GLI2: variants seen among roughly 807,000 people sequenced by gnomAD.
GLI2 encodes transcription activator GLI2.
GLI2 carries 22 observed loss-of-function variants against 78.9 expected under a neutral mutation model. That is an observed-to-expected ratio of 0.28 (90% confidence interval 0.20 to 0.40). The LOEUF (loss-of-function observed/expected upper bound fraction) is 0.40, where lower values mean the gene tolerates loss of function less well. Among genes scored for constraint, GLI2 ranks in the 10% least tolerant of loss-of-function variants. GLI2 has a pLI of 1.00. For synonymous variants in GLI2, 974 were observed against 963.7 expected (o/e 1.01, Z -0.20); for missense variants, 2,097 against 2,213.2 (o/e 0.95, Z 1.05).
At position 120,990,019 on chromosome 2, in the gene GLI2, G is replaced by A. The variant is rs1304690842; in HGVS notation, c.4054G>A (p.Val1352Met). The change falls in exon 14 of 14, where the codon GTG becomes ATG. Residue 1352 changes from valine (V) to methionine (M), a missense_variant. By Grantham distance (21) the Val-to-Met change is conservative (BLOSUM62 1). Coordinates refer to ENST00000361492, the MANE Select transcript of GLI2 (RefSeq NM_001374353.1). The part of the protein sequence containing the change: ...MGVATAGFGL[V>M]QPRPPLEPSP... ...GGTGGCTACAGCAGGCTTTGGCCTA[G>A]TGCAGCCCCGGCCTCCCCTCGAGCC... 1 of 1,607,598 alleles carries A rather than the reference G, an allele frequency of 6.2e-7. No homozygotes were observed. The highest frequency in any genetic ancestry group is 1.7e-5 in the Admixed American group (1 of 59,578).
chr2:120,958,164 G>T (rs542028185), intron 5 of GLI2, among the ~76,000 whole-genome samples: 1 of 152,314 alleles, frequency 6.6e-6, no homozygotes, highest in East Asian at 1.9e-4. Context: ...GACTGAAGGG[G>T]TGTGGAGTGG....
At chr2:120,772,578 G>A (rs142498165) in intron 1 of GLI2, among the ~76,000 whole-genome samples, 2,133 of 152,330 alleles carry the variant, frequency 0.014, 19 homozygotes, top group Admixed American at 0.024. Context: ...TGAGCCCTTC[G>A]GGCCTGGCCA....
chr2:120,990,549 C>T lies in GLI2; in HGVS notation c.4584C>T (p.Thr1528=). 1 of 1,614,130 alleles carries T rather than the reference C, an allele frequency of 6.2e-7. No homozygotes were observed. The change falls in exon 14 of 14, where the codon ACC becomes ACT. Residue 1528 remains threonine, a synonymous_variant. Transcript: ENST00000361492. ...TCTCCCAGAACTCCTCCCGCCTCAC[C>T]ACCCCCCGAAACTCCTTGACCCTGC... ...HSLSQNSSRL[T]TPRNSLTLPS...
chr2:120,907,357 G>A (rs905451592), intron 2 of GLI2, among the ~76,000 whole-genome samples: 1 of 152,128 alleles, frequency 6.6e-6, no homozygotes. Flanking sequence ...CTGGAGGTCC[G>A]TAAACCAGAG....
At chr2:120,955,599 C>T (rs1681222425) in intron 5 of GLI2, among the ~76,000 whole-genome samples, 169 bp downstream of exon 5, 1 of 152,208 alleles carries the variant, frequency 6.6e-6, no homozygotes, top group Non-Finnish European at 1.5e-5. Context: ...TTGGACAACA[C>T]TTACTGAGTC....
At chr2:120,985,056 G>A (rs551936642) in intron 12 of GLI2, among the ~76,000 whole-genome samples, 9 of 152,166 alleles carry the variant, frequency 5.9e-5, no homozygotes, top group Non-Finnish European at 1.2e-4. Flanking sequence ...TTTCCAGCCA[G>A]CACCCAAGTG....
chr2:120,749,147 C>T (rs183382336), intron 1 of GLI2, among the ~76,000 whole-genome samples: 3 of 152,210 alleles, frequency 2.0e-5, no homozygotes, highest in Non-Finnish European at 4.4e-5. Flanking sequence ...TTATAACACT[C>T]ATTAATACTG....
intron 2 of GLI2, among the ~76,000 whole-genome samples, chr2:120,809,996 G>A (rs1685162293): frequency 6.6e-6 from 1 of 152,204 alleles, no homozygotes; most frequent in Non-Finnish European, 1.5e-5. Context: ...GAGATGCCCT[G>A]TGAGCATTTC....
intron 1 of GLI2, among the ~76,000 whole-genome samples, chr2:120,778,701 C>A (rs1185055486): frequency 6.6e-6 from 1 of 152,204 alleles, no homozygotes; most frequent in Non-Finnish European, 1.5e-5. Context: ...GCACAGAGAC[C>A]TTCCACATGG....
At chr2:120,932,410 C>T (rs866325074) in intron 3 of GLI2, among the ~76,000 whole-genome samples, 5 of 152,172 alleles carry the variant, frequency 3.3e-5, no homozygotes, top group South Asian at 2.1e-4. Context: ...CCAGGGAGGG[C>T]GCACCCAGTG....
chr2:120,990,039 C>T lies in GLI2; in HGVS notation c.4074C>T (p.Leu1358=), dbSNP rs760725309. ...GCCTAGTGCAGCCCCGGCCTCCCCT[C>T]GAGCCCAGCCCCACTGGCCGCCACC... The part of the protein sequence containing the change: ...GFGLVQPRPP[L]EPSPTGRHRG... Residue 1358 remains leucine (L), a synonymous_variant, in exon 14 of 14, where the codon CTC becomes CTT. Transcript: ENST00000361492. 11 of 1,603,798 alleles carry T rather than the reference C, an allele frequency of 6.9e-6. No individual in the cohort carries two copies. Among genetic ancestry groups the T allele is most frequent in the Admixed American group, 1.7e-5 (1 of 59,486 alleles).
chr2:120,780,852 G>A (rs137933070), intron 1 of GLI2, among the ~76,000 whole-genome samples: 10 of 152,166 alleles, frequency 6.6e-5, no homozygotes, highest in Non-Finnish European at 8.8e-5. Context: ...GCTTTCTGTC[G>A]TATTTCTGAG....
At chr2:120,739,696 G>C (rs535049434) in intron 1 of GLI2, among the ~76,000 whole-genome samples, 18 of 152,324 alleles carry the variant, frequency 1.2e-4, no homozygotes, top group East Asian at 1.2e-3. Context: ...AAAGGAACCC[G>C]GGGGAGCACT....
chr2:120,950,701 G>A (rs1052853176), intron 3 of GLI2, among the ~76,000 whole-genome samples: 7 of 152,198 alleles, frequency 4.6e-5, no homozygotes, highest in South Asian at 2.1e-4. Context: ...CTGACCCTGC[G>A]GCCGAGCTGG....
chr2:120,926,070 C>T (rs1679652063), intron 2 of GLI2, among the ~76,000 whole-genome samples: 1 of 16,112 alleles, frequency 6.2e-5, no homozygotes. Context: ...GAGACTCCGT[C>T]TCAAAAAAAA....
At chr2:120,922,253 G>A (rs1194586764) in intron 2 of GLI2, among the ~76,000 whole-genome samples, 1 of 152,228 alleles carries the variant, frequency 6.6e-6, no homozygotes, top group African/African-American at 2.4e-5. Flanking sequence ...CTTCACAACT[G>A]CTGATGTGAA....
At position 120,891,742 on chromosome 2, in the gene GLI2, G is replaced by A. The variant is rs150308075; in HGVS notation, c.149-35619G>A. ...GCACCACACATGCTTTCTTTACAGG[G>A]GAAGGCGCTGTTCCCTTCTCTTCCT... is the stretch of plus-strand genomic sequence containing the variant. On this transcript the variant is annotated intron_variant, in intron 2 of 13. Transcript: ENST00000361492. Among the ~76,000 whole-genome samples, 16 of 152,252 alleles carry A rather than the reference G, an allele frequency of 1.1e-4. No homozygotes were observed. In the East Asian group the frequency reaches 2.7e-3, roughly 26 times the overall value.
At chr2:120,772,401 C>T (rs139195106) in intron 1 of GLI2, among the ~76,000 whole-genome samples, 3 of 152,168 alleles carry the variant, frequency 2.0e-5, no homozygotes, top group African/African-American at 7.2e-5. Flanking sequence ...AGCAAGCCTC[C>T]AGAGGTCATA....
At chr2:120,825,652 G>A (rs1275800149) in intron 2 of GLI2, among the ~76,000 whole-genome samples, 1 of 152,156 alleles carries the variant, frequency 6.6e-6, no homozygotes, top group Non-Finnish European at 1.5e-5. Flanking sequence ...CGGACTGTGA[G>A]TGTGCACCTG....
Sources: gnomAD v4.1 joint callset for allele counts (sites outside exome capture counted in the v4.1 genomes callset) on GRCh38, gnomAD v4.1.1 for gene constraint, MANE v1.5 for transcripts, NCBI Gene and HGNC (gene_info 2026-07-23, HGNC 2026-07-21) for gene names.